Variants in ADAM22 observed in about 807,000 individuals in gnomAD.
ADAM22 encodes the protein disintegrin and metalloproteinase domain-containing protein 22.
A neutral mutation model predicts 144.6 loss-of-function variants in ADAM22; 65 were observed. The observed-to-expected ratio is 0.45, with a 90% CI of 0.37 to 0.55. The LOEUF (loss-of-function observed/expected upper bound fraction) is 0.55. Ranked by LOEUF, ADAM22 falls within the 20% of genes least tolerant of loss-of-function variation. The probability of loss-of-function intolerance (pLI) is 0.00; values close to 1 mark genes in which losing one functional copy is unlikely to be tolerated. For synonymous variants in ADAM22, 391 were observed against 412.6 expected (o/e 0.95, Z 0.63); for missense variants, 974 against 1,184.9 (o/e 0.82, Z 2.61).
intron 31 of ADAM22, among the ~76,000 whole-genome samples, chr7:88,193,670 A>ATAAT (rs1379996303): frequency 1.3e-5 from 2 of 152,228 alleles, no homozygotes; most frequent in Non-Finnish European, 2.9e-5. Flanking sequence ...TAACCAAAGA[A>ATAAT]TAATTACCTT....
chr7:88,055,295 A>C (rs923775779), intron 3 of ADAM22, among the ~76,000 whole-genome samples: 1 of 151,834 alleles, frequency 6.6e-6, no homozygotes, highest in Non-Finnish European at 1.5e-5. Flanking sequence ...ATTTCAGGAG[A>C]CCAAGGTGAC....
intron 21 of ADAM22, 63 bp downstream of exon 21, chr7:88,153,389 T>G: frequency 7.2e-7 from 1 of 1,381,198 alleles, no homozygotes; most frequent in Non-Finnish European, 1.0e-6. Context: ...CTTTTTTGAG[T>G]GACTAGGAAG....
chr7:88,048,137 G>A lies in ADAM22; in HGVS notation c.324-27489G>A, dbSNP rs114822468. On this transcript the variant is annotated intron_variant, in intron 3 of 31. Coordinates refer to ENST00000413139, the MANE Select transcript of ADAM22 (RefSeq NM_001324418.2). ...AATCTGATAATATTTGTGCTGATCG[G>A]CAGCCTACTTTTTTCACTGTTTATT... 2.0e-3 allele frequency among the ~76,000 whole-genome samples: 310 copies of A among 151,998 alleles called. 4 individuals are homozygous for A. Among genetic ancestry groups the A allele is most frequent in the African/African-American group, 7.1e-3 (295 of 41,482 alleles).
chr7:87,998,872 T>C (rs1791868996), intron 3 of ADAM22, among the ~76,000 whole-genome samples: 1 of 152,208 alleles, frequency 6.6e-6, no homozygotes, highest in African/African-American at 2.4e-5. Flanking sequence ...CCACTTAGCA[T>C]GAACATCATT....
chr7:88,152,333 A>G (rs575040325), intron 20 of ADAM22, among the ~76,000 whole-genome samples: 4 of 152,308 alleles, frequency 2.6e-5, no homozygotes, highest in South Asian at 2.1e-4. Flanking sequence ...AACTCTATCA[A>G]CTGTCCCTGG....
chr7:88,005,855 A>T (rs1793699039), intron 3 of ADAM22, among the ~76,000 whole-genome samples: 1 of 152,200 alleles, frequency 6.6e-6, no homozygotes, highest in African/African-American at 2.4e-5. Flanking sequence ...TGAAAAAAGA[A>T]GTAATAACAT....
intron 2 of ADAM22, among the ~76,000 whole-genome samples, chr7:87,966,153 C>T (rs1274570256): frequency 6.6e-6 from 1 of 152,118 alleles, no homozygotes; most frequent in Non-Finnish European, 1.5e-5. Context: ...AATAGTGGGG[C>T]TGGGAAGAGC....
chr7:88,140,435 T>G (rs1261190603), intron 14 of ADAM22, among the ~76,000 whole-genome samples: 3 of 152,158 alleles, frequency 2.0e-5, no homozygotes. Flanking sequence ...TTGAACCAGA[T>G]TGGTCTGATG....
intron 23 of ADAM22, among the ~76,000 whole-genome samples, chr7:88,164,764 T>A (rs1005332841): frequency 6.6e-6 from 1 of 152,108 alleles, no homozygotes; most frequent in Non-Finnish European, 1.5e-5. Context: ...ATGTAAGCTA[T>A]GCTATTTATT....
chr7:87,963,145 G>T (rs567836808), intron 2 of ADAM22, among the ~76,000 whole-genome samples: 1 of 152,238 alleles, frequency 6.6e-6, no homozygotes, highest in Admixed American at 6.5e-5. Context: ...ACACAGTAGG[G>T]GTTCAGGACT....
At chr7:88,082,984 G>A (rs13243521) in intron 4 of ADAM22, among the ~76,000 whole-genome samples, 4 of 152,106 alleles carry the variant, frequency 2.6e-5, no homozygotes, top group South Asian at 4.1e-4. Flanking sequence ...CATCCCATTA[G>A]TGGGTATATA....
rs998761354 is a variant in ADAM22, at chr7:88,202,801, G to A, written c.*6310G>A. The A allele has an allele frequency of 2.0e-5, 3 of 152,100 alleles. No individual in the cohort carries two copies. Among genetic ancestry groups the A allele is most frequent in the African/African-American group, 7.2e-5 (3 of 41,418 alleles). 9.4% of individuals were successfully genotyped at this position (152,100 alleles called of 1,614,324 possible). On this transcript the variant is annotated 3_prime_UTR_variant, in exon 32 of 32. Transcript: ENST00000413139. ...GCACAGTTTTATTAGTATTCACTTC[G>A]GAAGCTAATAAGATACCATGGTTTT...
intron 30 of ADAM22, among the ~76,000 whole-genome samples, chr7:88,191,877 A>G (rs1849693612): frequency 6.6e-6 from 1 of 152,220 alleles, no homozygotes; most frequent in Non-Finnish European, 1.5e-5. Flanking sequence ...GTTCACTACT[A>G]CTATCTTAGG....
chr7:87,973,309 T>A (rs1197348869), intron 2 of ADAM22, among the ~76,000 whole-genome samples: 1 of 152,164 alleles, frequency 6.6e-6, no homozygotes, highest in Admixed American at 6.5e-5. Context: ...AAAGAAGACA[T>A]TTATGCAGCC....
intron 3 of ADAM22, among the ~76,000 whole-genome samples, chr7:87,990,615 A>G (rs1789565602): frequency 1.3e-5 from 2 of 152,028 alleles, no homozygotes; most frequent in Non-Finnish European, 2.9e-5. Flanking sequence ...TTATAGTTTT[A>G]TCACTTATAT....
At chr7:88,172,748 G>A (rs557486977) in intron 26 of ADAM22, among the ~76,000 whole-genome samples, 1 of 151,950 alleles carries the variant, frequency 6.6e-6, no homozygotes, top group South Asian at 2.1e-4. Context: ...ATCATTAATG[G>A]AAAAAGTAAA....
chr7:88,056,744 C>T (rs935475565), intron 3 of ADAM22, among the ~76,000 whole-genome samples: 1 of 152,160 alleles, frequency 6.6e-6, no homozygotes, highest in African/African-American at 2.4e-5. Flanking sequence ...AAAATTCACT[C>T]CTAAAAGGTT....
At chr7:88,098,769 G>A (rs1053513086) in intron 4 of ADAM22, among the ~76,000 whole-genome samples, 17 of 151,690 alleles carry the variant, frequency 1.1e-4, no homozygotes, top group Admixed American at 6.6e-4. Context: ...TTCCTCTCCG[G>A]TGGTAATCAT....
rs1398794678 is a variant in ADAM22, at chr7:88,200,593, AATTAT to A, written c.*4106_*4110del. On this transcript the variant is annotated 3_prime_UTR_variant, in exon 32 of 32. Coordinates refer to ENST00000413139, the MANE Select transcript of ADAM22 (RefSeq NM_001324418.2). ...CATCATATCTACTTTTTATGCACCT[AATTAT>A]ATTTTTCCTTTCACTTTTATGTTTT... is the stretch of plus-strand genomic sequence containing the variant. 1 of 152,174 alleles carries A rather than the reference AATTAT, an allele frequency of 6.6e-6. No homozygotes were observed. Among genetic ancestry groups the A allele is most frequent in the East Asian group, 1.9e-4 (1 of 5,198 alleles). 9.4% of individuals were successfully genotyped at this position (152,174 alleles called of 1,614,324 possible). A position where few individuals can be genotyped will look rare whatever the true frequency, so the allele number is the denominator to read the frequency against.
Sources: allele counts gnomAD v4.1 joint callset (sites outside exome capture counted in the v4.1 genomes callset), GRCh38; gene constraint gnomAD v4.1.1; transcripts MANE v1.5; gene names NCBI Gene and HGNC (gene_info 2026-07-23, HGNC 2026-07-21).